FOLH1: variants seen among roughly 807,000 people sequenced by gnomAD.
The protein encoded by FOLH1 is folate hydrolase 1.
In FOLH1, 54 loss-of-function variants were observed where a neutral mutation model predicts 93.9. The ratio of observed to expected loss-of-function variants is 0.57; its 90% confidence interval spans 0.46 to 0.72. The LOEUF (loss-of-function observed/expected upper bound fraction) is 0.72, where lower values mean the gene tolerates loss of function less well. Ranked by LOEUF, FOLH1 falls within the 30% of genes least tolerant of loss-of-function variation. The pLI, the probability that FOLH1 is intolerant of heterozygous loss-of-function variation, is 0.00. For synonymous variants in FOLH1, 249 were observed against 303.6 expected (o/e 0.82, Z 1.87); for missense variants, 571 against 892.5 (o/e 0.64, Z 4.59).
At chr11:49,202,470 T>G (rs1204255910) in intron 2 of FOLH1, among the ~76,000 whole-genome samples, 1 of 151,972 alleles carries the variant, frequency 6.6e-6, no homozygotes, top group Non-Finnish European at 1.5e-5. Context: ...GGTGCAATCA[T>G]AGCTCACTAA....
intron 4 of FOLH1, among the ~76,000 whole-genome samples, chr11:49,191,935 G>A (rs61886512): frequency 0.034 from 5,142 of 152,274 alleles, 125 homozygotes; most frequent in Non-Finnish European, 0.051. Context: ...CCTGACCTCA[G>A]TTGATCTGCC....
intron 7 of FOLH1, among the ~76,000 whole-genome samples, chr11:49,178,222 G>C (rs950528991): frequency 9.2e-5 from 14 of 152,130 alleles, no homozygotes; most frequent in African/African-American, 3.4e-4. Context: ...CTCTTCACCA[G>C]CTCATCTATA....
chr11:49,196,505 G>A (rs12803216), intron 3 of FOLH1, among the ~76,000 whole-genome samples: 2 of 152,008 alleles, frequency 1.3e-5, no homozygotes, highest in African/African-American at 4.8e-5. Flanking sequence ...CAAATAGATT[G>A]CAAAAACACA....
chr11:49,203,755 C>T (rs962622399), intron 2 of FOLH1, among the ~76,000 whole-genome samples: 1 of 152,156 alleles, frequency 6.6e-6, no homozygotes, highest in African/African-American at 2.4e-5. Context: ...TATTTTTCTT[C>T]TTTGTTGGTC....
intron 7 of FOLH1, among the ~76,000 whole-genome samples, chr11:49,181,920 T>C (rs372865729): frequency 2.0e-5 from 3 of 152,232 alleles, no homozygotes; most frequent in South Asian, 4.1e-4. Flanking sequence ...TCATAGATAC[T>C]GGAATAAAAT....
intron 13 of FOLH1, among the ~76,000 whole-genome samples, chr11:49,158,355 G>C (rs540394996): frequency 6.6e-6 from 1 of 152,170 alleles, no homozygotes; most frequent in Admixed American, 6.5e-5. Context: ...CTATTTTTCT[G>C]AATTAAAAGA....
Position 49,174,915 on chromosome 11 carries a change from G to A in FOLH1, c.1082C>T (p.Thr361Ile). The A allele has an allele frequency of 2.5e-6, 4 of 1,610,332 alleles. No homozygotes were observed. The South Asian group carries it at 4.4e-5, about 18-fold the overall frequency. The change falls in exon 9 of 19, where the codon ACT (threonine) becomes ATT (isoleucine). Residue 361 changes from threonine (T) to isoleucine (I), a missense_variant. Thr to Ile is a moderately conservative substitution (Grantham distance 89). This residue lies in a region of FOLH1 where 500 missense variants were observed against 822.9 expected (regional missense o/e 0.61). Coordinates refer to ENST00000256999, the MANE Select transcript of FOLH1 (RefSeq NM_004476.3). The stretch of plus-strand genomic sequence containing the variant: ...ACCTGGTTCCACTGCTCCTCTGAGA[G>A]TACCTATCACATTGTAAATTCTTGT... ...EVTRIYNVIG[T>I]LRGAVEPDRY...
intron 7 of FOLH1, among the ~76,000 whole-genome samples, chr11:49,178,597 A>G (rs575002321): frequency 2.0e-5 from 3 of 152,328 alleles, no homozygotes; most frequent in Non-Finnish European, 2.9e-5. Flanking sequence ...CAGTTGAAAA[A>G]TGTTACTGAA....
intron 17 of FOLH1, among the ~76,000 whole-genome samples, chr11:49,152,568 G>C (rs1174856555): frequency 2.0e-5 from 3 of 152,048 alleles, no homozygotes; most frequent in African/African-American, 7.2e-5. Flanking sequence ...TTTCTTTGCA[G>C]GTGTATCTTT....
intron 4 of FOLH1, among the ~76,000 whole-genome samples, chr11:49,191,411 G>T (rs144123719): frequency 3.3e-5 from 5 of 152,324 alleles, no homozygotes; most frequent in African/African-American, 1.2e-4. Context: ...ACACCGATCA[G>T]CAAACTCATC....
chr11:49,158,157 G>T, intron 13 of FOLH1, 114 bp from the exon 14 acceptor site: 2 of 807,886 alleles, frequency 2.5e-6, no homozygotes, highest in Non-Finnish European at 3.7e-6. Flanking sequence ...AACAAGGGAT[G>T]CTATCCATAC....
chr11:49,149,173 T>C (rs2134840755), intron 17 of FOLH1, among the ~76,000 whole-genome samples: 1 of 152,160 alleles, frequency 6.6e-6, no homozygotes, highest in Admixed American at 6.6e-5. Context: ...TGACGAGTCC[T>C]CTGTGGAATT....
chr11:49,173,856 C>T (rs1297026833), intron 9 of FOLH1, among the ~76,000 whole-genome samples: 1 of 152,010 alleles, frequency 6.6e-6, no homozygotes, highest in Admixed American at 6.6e-5. Flanking sequence ...TTCTCCAATT[C>T]CTATTCTTTC....
intron 17 of FOLH1, 114 bp downstream of exon 17, chr11:49,153,732 A>C: frequency 1.3e-6 from 1 of 747,092 alleles, no homozygotes; most frequent in Non-Finnish European, 1.9e-6. Context: ...ATTTAAAAAA[A>C]AGAAAACAGC....
At chr11:49,186,197 T>C (rs1861351068) in intron 5 of FOLH1, 1 of 224,870 alleles carries the variant, frequency 4.4e-6, no homozygotes, top group Non-Finnish European at 8.2e-6. Flanking sequence ...AAATTTAATT[T>C]CCCACTAAAG....
In FOLH1 at chr11:49,185,553, T is replaced by G. The variant is rs974732487; in HGVS notation, c.826+116A>C. 8.4e-6 allele frequency: 11 copies of G among 1,307,158 alleles called. No individual in the cohort carries two copies. The Admixed American group carries it at 2.1e-4, about 25-fold the overall frequency. The allele number at this position is 1,307,158 out of a possible 1,614,324, so 81.0% of individuals were successfully genotyped here. A position where few individuals can be genotyped will look rare whatever the true frequency, so the allele number is the denominator to read the frequency against. On this transcript the variant is annotated intron_variant, in intron 6 of 18. Coordinates refer to ENST00000256999, the MANE Select transcript of FOLH1 (RefSeq NM_004476.3). Reference sequence around the variant, plus strand: ...TTAGAGTTCAAAATTCTTTCATTCTTAAATGCAAAGAGAATAAAAAAAGAC... The same window carrying G: ...TTAGAGTTCAAAATTCTTTCATTCTGAAATGCAAAGAGAATAAAAAAAGAC...
At chr11:49,192,727 G>C (rs569497094) in intron 4 of FOLH1, 66 bp downstream of exon 4, 3 of 1,369,914 alleles carry the variant, frequency 2.2e-6, no homozygotes, top group Non-Finnish European at 3.0e-6. Context: ...TTTAATTATC[G>C]GCTGAACATA....
chr11:49,191,090 C>G (rs1314773484), intron 4 of FOLH1, among the ~76,000 whole-genome samples: 2 of 152,178 alleles, frequency 1.3e-5, no homozygotes, highest in Non-Finnish European at 2.9e-5. Flanking sequence ...CGGCTCACTG[C>G]AAGCTCCACC....
intron 1 of FOLH1, among the ~76,000 whole-genome samples, chr11:49,207,062 A>G (rs2135359712): frequency 6.6e-6 from 1 of 152,368 alleles, no homozygotes; most frequent in East Asian, 1.9e-4. Flanking sequence ...ACATGATTGC[A>G]CGCAAACGGA....
Sources: allele counts gnomAD v4.1 joint callset (sites outside exome capture counted in the v4.1 genomes callset), GRCh38; gene constraint gnomAD v4.1.1; regional missense constraint gnomAD v4.1.1; transcripts MANE v1.5; gene names NCBI Gene and HGNC (gene_info 2026-07-23, HGNC 2026-07-21).